The following RANBP2 variants were observed in gnomAD, a reference collection of about 807,000 sequenced individuals.
The protein encoded by RANBP2 is E3 SUMO-protein ligase RanBP2.
Under a neutral mutation model 303.6 loss-of-function variants are expected in RANBP2, and 57 were observed. The ratio of observed to expected loss-of-function variants is 0.19; its 90% CI spans 0.15 to 0.23. The LOEUF is 0.23. RANBP2 is among the 10% of genes least tolerant of loss of function. The pLI is 1.00. For missense variants in RANBP2, 3,138 were observed against 3,780.8 expected (o/e 0.83, Z 4.46); for synonymous variants, 1,167 against 1,301.5 (o/e 0.90, Z 2.23).
At chr2:109,097,890 G>T in the RANBP2 span, among the ~76,000 whole-genome samples, 1 of 152,034 alleles carries the variant, frequency 6.6e-6, no homozygotes. Flanking sequence ...TCTGGGTCCA[G>T]CATGTCTTCC....
the RANBP2 span, among the ~76,000 whole-genome samples, chr2:109,591,049 T>C: frequency 6.6e-6 from 1 of 152,214 alleles, no homozygotes; most frequent in Admixed American, 6.5e-5. Context: ...GCTAAATTTG[T>C]GACGATTTGT....
At chr2:109,241,910 G>C in the RANBP2 span, among the ~76,000 whole-genome samples, 1 of 151,646 alleles carries the variant, frequency 6.6e-6, no homozygotes, top group Admixed American at 6.6e-5. Context: ...GGACTACAGG[G>C]GCCCACCACC....
At chr2:109,313,309 G>T in the RANBP2 span, among the ~76,000 whole-genome samples, 8 of 152,210 alleles carry the variant, frequency 5.3e-5, no homozygotes, top group Non-Finnish European at 1.2e-4. Context: ...TCCCAAGGGG[G>T]GAGGCTGGCA....
At chr2:108,746,207 CCT>C (rs1573751391) in intron 7 of RANBP2, among the ~76,000 whole-genome samples, 2 of 139,088 alleles carry the variant, frequency 1.4e-5, no homozygotes, top group East Asian at 4.0e-4. Context: ...CATGTCTGGC[CCT>C]TTTTTTTTTT....
the RANBP2 span, among the ~76,000 whole-genome samples, chr2:109,202,107 G>A: frequency 6.6e-6 from 1 of 152,260 alleles, no homozygotes; most frequent in Non-Finnish European, 1.5e-5. Flanking sequence ...AGGCGATCTC[G>A]GCCACTTTCT....
the RANBP2 span, among the ~76,000 whole-genome samples, chr2:109,610,095 G>GTGTTTTTTTTTTTTTTTTTTTTTTTTTT: frequency 7.0e-6 from 1 of 143,434 alleles, no homozygotes; most frequent in African/African-American, 2.6e-5. Flanking sequence ...TCCCTGAGGT[G>GTGTTTTTTTTTTTTTTTTTTTTTTTTTT]TTTTTTTTTT....
chr2:109,674,534 G>T, the RANBP2 span, among the ~76,000 whole-genome samples: 1 of 151,692 alleles, frequency 6.6e-6, no homozygotes. Context: ...AGTGAGCTAT[G>T]ATTGCACTGC....
the RANBP2 span, among the ~76,000 whole-genome samples, chr2:109,707,130 A>G: frequency 1.3e-5 from 2 of 152,240 alleles, no homozygotes; most frequent in Non-Finnish European, 2.9e-5. Flanking sequence ...AAAATAATTC[A>G]CAATTTATTT....
the RANBP2 span, among the ~76,000 whole-genome samples, chr2:109,349,337 GGT>G: frequency 6.6e-6 from 1 of 152,158 alleles, no homozygotes; most frequent in African/African-American, 2.4e-5. Flanking sequence ...CTTTTATCAA[GGT>G]GTTCTGATGC....
At chr2:108,773,927 G>A (rs868374501) in intron 23 of RANBP2, among the ~76,000 whole-genome samples, 5 of 152,212 alleles carry the variant, frequency 3.3e-5, no homozygotes, top group East Asian at 3.9e-4. Context: ...GATTACAGGC[G>A]TGAGCCACCG....
chr2:109,406,341 C>T, the RANBP2 span, among the ~76,000 whole-genome samples: 1 of 152,072 alleles, frequency 6.6e-6, no homozygotes, highest in Non-Finnish European at 1.5e-5. Context: ...CCTCATAAAC[C>T]AAGTATGAAG....
the RANBP2 span, among the ~76,000 whole-genome samples, chr2:109,389,048 A>G: frequency 6.6e-6 from 1 of 152,226 alleles, no homozygotes; most frequent in East Asian, 1.9e-4. Context: ...ATGCAGCATC[A>G]TAGGCCCAAG....
chr2:109,331,223 C>T, the RANBP2 span, among the ~76,000 whole-genome samples: 6 of 152,148 alleles, frequency 3.9e-5, no homozygotes, highest in African/African-American at 1.4e-4. Flanking sequence ...GCTGAAATTT[C>T]CTGATATTGT....
chr2:109,692,223 A>G, the RANBP2 span, among the ~76,000 whole-genome samples: 1 of 149,878 alleles, frequency 6.7e-6, no homozygotes, highest in African/African-American at 2.4e-5. Flanking sequence ...ACGTGATTCT[A>G]TTTAGGGGAA....
At chr2:108,943,160 G>T in the RANBP2 span, among the ~76,000 whole-genome samples, 3 of 152,092 alleles carry the variant, frequency 2.0e-5, no homozygotes, top group South Asian at 6.2e-4. Flanking sequence ...TTGTTCTACC[G>T]GTTTGAAAGA....
the RANBP2 span, among the ~76,000 whole-genome samples, chr2:109,771,829 G>C: frequency 1.9e-3 from 1 of 524 alleles, no homozygotes; most frequent in Non-Finnish European, 3.6e-3. Context: ...CATTTTGGGA[G>C]GCCGAGGAAG....
At chr2:108,829,591 T>C in the RANBP2 span, among the ~76,000 whole-genome samples, 6 of 152,016 alleles carry the variant, frequency 3.9e-5, no homozygotes, top group African/African-American at 1.4e-4. Context: ...ACTAAAAATA[T>C]AAAAATTAGC....
chr2:109,205,178 G>C, the RANBP2 span, among the ~76,000 whole-genome samples: 1 of 152,044 alleles, frequency 6.6e-6, no homozygotes, highest in East Asian at 1.9e-4. Flanking sequence ...CTGCACTCCA[G>C]CCTGGGCAGC....
At chr2:109,384,312 G>A in the RANBP2 span, among the ~76,000 whole-genome samples, 5 of 152,296 alleles carry the variant, frequency 3.3e-5, no homozygotes, top group Admixed American at 1.3e-4. Context: ...TCTACTCTCC[G>A]TGGAGAAAGT....
Sources: gnomAD v4.1 joint callset for allele counts (sites outside exome capture counted in the v4.1 genomes callset) on GRCh38, gnomAD v4.1.1 for gene constraint, MANE v1.5 for transcripts, NCBI Gene and HGNC (gene_info 2026-07-23, HGNC 2026-07-21) for gene names.